RABGAP1L: variants seen among roughly 807,000 people sequenced by gnomAD.
The protein encoded by RABGAP1L is RAB GTPase activating protein 1 like.
Under a neutral mutation model 137.7 loss-of-function variants are expected in RABGAP1L, and 63 were observed. The ratio of observed to expected loss-of-function variants is 0.46; its 90% CI spans 0.37 to 0.56. The LOEUF (loss-of-function observed/expected upper bound fraction) is 0.56, where lower values mean the gene tolerates loss of function less well. Among genes scored for constraint, RABGAP1L ranks in the 20% least tolerant of loss-of-function variants. The pLI is 0.00. For synonymous variants in RABGAP1L, 431 were observed against 433.7 expected, an observed-to-expected ratio of 0.99 and a Z score of 0.08; for missense variants, 1,095 against 1,244.0, an observed-to-expected ratio of 0.88 and a Z score of 1.80.
At chr1:174,571,066 C>T (rs1667943748) in intron 13 of RABGAP1L, among the ~76,000 whole-genome samples, 1 of 152,078 alleles carries the variant, frequency 6.6e-6, no homozygotes, top group Admixed American at 6.6e-5. Flanking sequence ...TGTACATTTC[C>T]ACAATGGAGT....
At chr1:174,422,764 A>G (rs1013300758) in intron 13 of RABGAP1L, among the ~76,000 whole-genome samples, 1 of 152,024 alleles carries the variant, frequency 6.6e-6, no homozygotes, top group East Asian at 1.9e-4. Context: ...CTTGGCCAAC[A>G]TGGTGAAACT....
chr1:174,882,695 A>G (rs1191509357), intron 19 of RABGAP1L, among the ~76,000 whole-genome samples: 3 of 152,238 alleles, frequency 2.0e-5, no homozygotes, highest in Non-Finnish European at 4.4e-5. Flanking sequence ...AGAAAAAACA[A>G]TAAGGAAGCC....
intron 5 of RABGAP1L, chr1:174,246,245 TCAAA>T (rs1005084893): frequency 3.9e-5 from 6 of 152,196 alleles, no homozygotes; most frequent in African/African-American, 1.2e-4. Flanking sequence ...AGCAACAAAC[TCAAA>T]CAGATATACA....
At position 174,502,625 on chromosome 1, in the gene RABGAP1L, CAT is replaced by C. The variant is rs201121722; in HGVS notation, c.1710+108487_1710+108488del. 4.2e-3 allele frequency among the ~76,000 whole-genome samples: 496 copies of C among 117,116 alleles called. 7 individuals are homozygous for C. Among genetic ancestry groups the C allele is most frequent in the Admixed American group, 0.031 (363 of 11,728 alleles). 76.8% of individuals were successfully genotyped at this position (117,116 alleles called of 152,430 possible). A position where few individuals can be genotyped will look rare whatever the true frequency, so the allele number is the denominator to read the frequency against. On this transcript the variant is annotated intron_variant, in intron 13 of 25. Transcript: ENST00000681986. ...ACATATATGTGTGTATATATATGTA[CAT>C]ATATATGTGTGTATATATATGTACA...
chr1:174,706,235 C>G (rs1333456731), intron 17 of RABGAP1L, among the ~76,000 whole-genome samples: 1 of 152,114 alleles, frequency 6.6e-6, no homozygotes, highest in Non-Finnish European at 1.5e-5. Context: ...TGCAGCCTGA[C>G]TGAACAACTG....
chr1:174,579,493 CA>C (rs958836941), intron 13 of RABGAP1L, among the ~76,000 whole-genome samples: 2 of 152,178 alleles, frequency 1.3e-5, no homozygotes, highest in African/African-American at 4.8e-5. Context: ...CCACTGAACA[CA>C]CGTGCTGTGG....
intron 13 of RABGAP1L, among the ~76,000 whole-genome samples, chr1:174,524,201 G>GTTT (rs1415422805): frequency 6.8e-6 from 1 of 147,110 alleles, no homozygotes; most frequent in Non-Finnish European, 1.5e-5. Flanking sequence ...TGTTGTTGTT[G>GTTT]TTGTTGTTTT....
chr1:174,930,191 A>G (rs1305964974), intron 19 of RABGAP1L, among the ~76,000 whole-genome samples: 1 of 151,844 alleles, frequency 6.6e-6, no homozygotes, highest in African/African-American at 2.4e-5. Flanking sequence ...TTTTTATTTT[A>G]TGTATTTACT....
intron 13 of RABGAP1L, among the ~76,000 whole-genome samples, chr1:174,458,905 C>CA (rs1656349130): frequency 6.6e-6 from 1 of 151,678 alleles, no homozygotes; most frequent in African/African-American, 2.4e-5. Context: ...GGCCGTAAAA[C>CA]AAAAAACTAA....
At chr1:174,414,460 T>C (rs560544828) in intron 13 of RABGAP1L, among the ~76,000 whole-genome samples, 1 of 152,142 alleles carries the variant, frequency 6.6e-6, no homozygotes, top group Non-Finnish European at 1.5e-5. Flanking sequence ...TGTCCTACTA[T>C]CTAGGATACT....
At chr1:174,827,881 C>T (rs1275758753) in intron 19 of RABGAP1L, among the ~76,000 whole-genome samples, 1 of 147,988 alleles carries the variant, frequency 6.8e-6, no homozygotes, top group African/African-American at 2.5e-5. Context: ...CCTTATTCCT[C>T]TCTTTTCCTG....
At chr1:174,445,130 T>C (rs1456578827) in intron 13 of RABGAP1L, among the ~76,000 whole-genome samples, 1 of 152,138 alleles carries the variant, frequency 6.6e-6, no homozygotes, top group African/African-American at 2.4e-5. Context: ...TCAACAAATG[T>C]TAGTTATCTT....
chr1:174,627,135 G>T (rs1034204955), intron 13 of RABGAP1L, among the ~76,000 whole-genome samples: 2 of 152,088 alleles, frequency 1.3e-5, no homozygotes, highest in African/African-American at 4.8e-5. Flanking sequence ...TGATAATAGG[G>T]ATTAATAAAA....
At chr1:174,805,842 A>G (rs990386579) in intron 18 of RABGAP1L, among the ~76,000 whole-genome samples, 1 of 152,036 alleles carries the variant, frequency 6.6e-6, no homozygotes, top group Non-Finnish European at 1.5e-5. Flanking sequence ...TATTTTCTTT[A>G]TTTTCCAAGG....
At chr1:174,229,879 G>A (rs1304312410) in intron 3 of RABGAP1L, among the ~76,000 whole-genome samples, 19 of 152,034 alleles carry the variant, frequency 1.2e-4, no homozygotes, top group African/African-American at 2.9e-4. Context: ...TTACAGTCCC[G>A]CCAACAGTGT....
At chr1:174,673,880 T>C (rs1677369614) in intron 14 of RABGAP1L, among the ~76,000 whole-genome samples, 1 of 152,196 alleles carries the variant, frequency 6.6e-6, no homozygotes. Flanking sequence ...GGTACTTTGC[T>C]ACCTCATTAT....
intron 13 of RABGAP1L, among the ~76,000 whole-genome samples, chr1:174,555,244 T>G (rs556093181): frequency 1.3e-5 from 2 of 152,330 alleles, no homozygotes; most frequent in African/African-American, 2.4e-5. Flanking sequence ...ACAAATTATC[T>G]TTCATACTCA....
chr1:174,495,852 G>A (rs1262922727), intron 13 of RABGAP1L, among the ~76,000 whole-genome samples: 1 of 152,070 alleles, frequency 6.6e-6, no homozygotes, highest in Non-Finnish European at 1.5e-5. Flanking sequence ...TTATCGATAG[G>A]ATAAATTCCC....
intron 1 of RABGAP1L, among the ~76,000 whole-genome samples, chr1:174,182,236 G>GA (rs201091879): frequency 1.7e-4 from 26 of 150,474 alleles, no homozygotes; most frequent in African/African-American, 3.4e-4. Context: ...GAGATTCGGG[G>GA]AAAAAAAAAT....
Sources: allele counts gnomAD v4.1 joint callset (sites outside exome capture counted in the v4.1 genomes callset), GRCh38; gene constraint gnomAD v4.1.1; transcripts MANE v1.5; gene names NCBI Gene and HGNC (gene_info 2026-07-23, HGNC 2026-07-21).